PGBD5: variants seen among roughly 807,000 people sequenced by gnomAD.
PGBD5 encodes piggyBac transposable element derived 5.
A neutral mutation model predicts 47.9 loss-of-function variants in PGBD5; 14 were observed. The ratio of observed to expected loss-of-function variants is 0.29; its 90% confidence interval spans 0.19 to 0.46. The LOEUF (loss-of-function observed/expected upper bound fraction) is 0.46, where lower values mean the gene tolerates loss of function less well. Among genes scored for constraint, PGBD5 ranks in the 20% least tolerant of loss-of-function variants. The pLI is 1.00. For synonymous variants in PGBD5, 316 were observed against 306.3 expected, an observed-to-expected ratio of 1.03 and a Z score of -0.33; for missense variants, 635 against 716.0, an observed-to-expected ratio of 0.89 and a Z score of 1.29.
intron 1 of PGBD5, among the ~76,000 whole-genome samples, chr1:230,420,690 G>A (rs1657627630): frequency 6.6e-6 from 1 of 152,136 alleles, no homozygotes; most frequent in Non-Finnish European, 1.5e-5. Flanking sequence ...CACCATGATT[G>A]TGAGGCCTCC....
At chr1:230,330,339 T>C (rs1667193854) in intron 5 of PGBD5, among the ~76,000 whole-genome samples, 1 of 152,228 alleles carries the variant, frequency 6.6e-6, no homozygotes, top group South Asian at 2.1e-4. Flanking sequence ...TCCCACCCTT[T>C]GACCCAGCAC....
chr1:230,394,966 C>T (rs1558210003), intron 1 of PGBD5, among the ~76,000 whole-genome samples: 2 of 143,462 alleles, frequency 1.4e-5, no homozygotes, highest in East Asian at 4.5e-4. Context: ...CCAAGCTCCT[C>T]TCGTTCCCAC....
At chr1:230,387,938 G>A (rs1656686837) in intron 1 of PGBD5, among the ~76,000 whole-genome samples, 1 of 152,118 alleles carries the variant, frequency 6.6e-6, no homozygotes, top group African/African-American at 2.4e-5. Context: ...TGGCAGCAAA[G>A]GAGGGGCTGT....
intron 1 of PGBD5, among the ~76,000 whole-genome samples, chr1:230,371,036 GCA>G (rs1195058452): frequency 6.6e-6 from 1 of 152,158 alleles, no homozygotes; most frequent in Non-Finnish European, 1.5e-5. Context: ...CTCCAGAGGG[GCA>G]CAGTCTGGTC....
chr1:230,381,913 C>T (rs1656508091), intron 1 of PGBD5, among the ~76,000 whole-genome samples: 1 of 152,182 alleles, frequency 6.6e-6, no homozygotes. Context: ...TCCACTCTCA[C>T]AGAGATGGCA....
chr1:230,403,016 C>G (rs1383802152), intron 1 of PGBD5, among the ~76,000 whole-genome samples: 1 of 152,190 alleles, frequency 6.6e-6, no homozygotes, highest in African/African-American at 2.4e-5. Context: ...ATTTTCTTCC[C>G]AGCTGCCCAT....
intron 1 of PGBD5, among the ~76,000 whole-genome samples, chr1:230,361,644 A>G (rs1431437908): frequency 6.6e-6 from 1 of 152,186 alleles, no homozygotes; most frequent in Non-Finnish European, 1.5e-5. Flanking sequence ...AGAAAAGGAG[A>G]TGTTCCATTT....
intron 1 of PGBD5, among the ~76,000 whole-genome samples, chr1:230,398,847 T>A (rs1657066462): frequency 6.6e-6 from 1 of 152,048 alleles, no homozygotes; most frequent in African/African-American, 2.4e-5. Flanking sequence ...TCGGTAAGAT[T>A]CAAAACATAG....
chr1:230,373,353 T>C (rs116736069), intron 1 of PGBD5, among the ~76,000 whole-genome samples: 2,153 of 152,240 alleles, frequency 0.014, 46 homozygotes, highest in African/African-American at 0.049. Flanking sequence ...TCGGCCCCAA[T>C]AGTCTGTAGC....
In PGBD5 at chr1:230,314,502, A is replaced by G. The variant is rs1666908343; in HGVS notation, c.*8923T>C. ...AGAGAGAAGCAAACAGATGTATTTG[A>G]CTGTATTTCAAAGGCAGTGACTGTA... On this transcript the variant is annotated 3_prime_UTR_variant, in exon 7 of 7. Transcript: ENST00000391860. The G allele has an allele frequency of 6.6e-6, 1 of 151,080 alleles. No individual in the cohort carries two copies. The highest frequency in any genetic ancestry group is 2.4e-5 in the African/African-American group (1 of 41,240). The allele number at this position is 151,080 out of a possible 1,614,324, so 9.4% of individuals were successfully genotyped here.
chr1:230,345,970 C>G (rs990580689), intron 3 of PGBD5, among the ~76,000 whole-genome samples: 1 of 152,204 alleles, frequency 6.6e-6, no homozygotes, highest in African/African-American at 2.4e-5. Flanking sequence ...GGTCTCCGTC[C>G]TCAGCCTCCC....
In PGBD5 at chr1:230,425,327, G is replaced by A. The variant is rs1030678199; in HGVS notation, c.331+271C>T. 6.6e-6 allele frequency among the ~76,000 whole-genome samples: 1 copy of A among 152,118 alleles called. No homozygotes were observed. The highest frequency in any genetic ancestry group is 1.5e-5 in the Non-Finnish European group (1 of 68,016). On this transcript the variant is annotated intron_variant, in intron 1 of 6. Coordinates refer to ENST00000391860, the MANE Select transcript of PGBD5 (RefSeq NM_001258311.2). The surrounding 1 kb of genome is among the most constrained non-coding windows in gnomAD (Gnocchi z 4.7). ...GACAGACTTCCCATGCAGGGGCTGGGGTGCTCCCAGGAAGTGAAGGAAAAG... is the reference window on the plus strand; with the variant it reads ...GACAGACTTCCCATGCAGGGGCTGGAGTGCTCCCAGGAAGTGAAGGAAAAG...
chr1:230,379,814 C>T (rs1456083122), intron 1 of PGBD5, among the ~76,000 whole-genome samples: 1 of 152,238 alleles, frequency 6.6e-6, no homozygotes, highest in Admixed American at 6.5e-5. Context: ...TAGGCACTGA[C>T]ACATGTTGGC....
At chr1:230,415,296 A>G (rs1167047296) in intron 1 of PGBD5, among the ~76,000 whole-genome samples, 1 of 151,734 alleles carries the variant, frequency 6.6e-6, no homozygotes, top group Admixed American at 6.6e-5. Context: ...AAGTGCTCAA[A>G]TAAGAAAGAT....
Position 230,325,430 on chromosome 1 carries a change from CAAGAT to C in PGBD5, c.1274-20_1274-16del, listed in dbSNP as rs758683121. The C allele has an allele frequency of 1.9e-5, 30 of 1,588,022 alleles. No individual in the cohort carries two copies. The highest frequency in any genetic ancestry group is 2.6e-5 in the Non-Finnish European group (30 of 1,158,430). ...GATGATGACTCCTGAAGGCGAGAGACAAGATAAGCCCCTTCCTCAGCACCTCCTCC... is the reference window on the plus strand; with the variant it reads ...GATGATGACTCCTGAAGGCGAGAGACAAGCCCCTTCCTCAGCACCTCCTCC... On this transcript the variant is annotated splice_polypyrimidine_tract_variant and intron_variant, in intron 5 of 6. Transcript: ENST00000391860.
At chr1:230,389,319 C>T (rs1251487525) in intron 1 of PGBD5, among the ~76,000 whole-genome samples, 2 of 151,842 alleles carry the variant, frequency 1.3e-5, no homozygotes, top group Non-Finnish European at 2.9e-5. Flanking sequence ...ATTACAGGCG[C>T]GTGCCACCAT....
intron 3 of PGBD5, among the ~76,000 whole-genome samples, chr1:230,338,112 A>G (rs1387040303): frequency 6.6e-6 from 1 of 152,232 alleles, no homozygotes; most frequent in Non-Finnish European, 1.5e-5. Flanking sequence ...GATTATTTCT[A>G]CATTAACACA....
chr1:230,390,974 A>G (rs968637908), intron 1 of PGBD5, among the ~76,000 whole-genome samples: 5 of 152,118 alleles, frequency 3.3e-5, no homozygotes, highest in Admixed American at 3.3e-4. Flanking sequence ...TCCTGAGCTC[A>G]AGTGATCTGC....
chr1:230,318,239 C>CT lies in PGBD5; in HGVS notation c.*5185dup, dbSNP rs1666979841. 1 of 150,172 alleles carries CT rather than the reference C, an allele frequency of 6.7e-6. No individual in the cohort carries two copies. Among genetic ancestry groups the CT allele is most frequent in the South Asian group, 2.1e-4 (1 of 4,830 alleles). 9.3% of individuals were successfully genotyped at this position (150,172 alleles called of 1,614,324 possible). A position where few individuals can be genotyped will look rare whatever the true frequency, so the allele number is the denominator to read the frequency against. ...AAGTGCCACTTTGGTACCTGATACT[C>CT]TTTATTTCTTATTGGGAGAGAATAA... On this transcript the variant is annotated 3_prime_UTR_variant, in exon 7 of 7. Coordinates refer to ENST00000391860, the MANE Select transcript of PGBD5 (RefSeq NM_001258311.2).
Sources: allele counts gnomAD v4.1 joint callset (sites outside exome capture counted in the v4.1 genomes callset), GRCh38; gene constraint gnomAD v4.1.1; non-coding constraint Gnocchi (gnomAD v3.1); transcripts MANE v1.5; gene names NCBI Gene and HGNC (gene_info 2026-07-23, HGNC 2026-07-21).